The following FOXP2 variants were observed in gnomAD, a reference collection of about 807,000 sequenced individuals.
The protein encoded by FOXP2 is forkhead box protein P2.
FOXP2 carries 12 observed loss-of-function variants against 115.8 expected under a neutral mutation model. The ratio of observed to expected loss-of-function variants is 0.10; its 90% CI spans 0.07 to 0.17. The LOEUF (loss-of-function observed/expected upper bound fraction) is 0.17. FOXP2 is among the 10% of genes least tolerant of loss of function. The probability of loss-of-function intolerance (pLI) is 1.00; values close to 1 mark genes in which losing one functional copy is unlikely to be tolerated. For synonymous variants in FOXP2, 328 were observed against 297.7 expected, an observed-to-expected ratio of 1.10 and a Z score of -1.05; for missense variants, 629 against 843.5, an observed-to-expected ratio of 0.75 and a Z score of 3.15.
In FOXP2 at chr7:114,676,302, G is replaced by A. The variant is rs563281945; in HGVS notation, c.2003+11866G>A. 1.7e-3 allele frequency among the ~76,000 whole-genome samples: 264 copies of A among 152,140 alleles called. 4 individuals are homozygous for A. In the South Asian group the frequency reaches 0.023, roughly 13 times the overall value. On this transcript the variant is annotated intron_variant, in intron 16 of 16. Transcript: ENST00000350908. ...GGTATCCAAATTAAATTAAGTAGAA[G>A]TAAGGATCAAGACACTTTAAAATAA...
At chr7:114,108,540 G>A (rs1791182215) in intron 1 of FOXP2, among the ~76,000 whole-genome samples, 1 of 151,744 alleles carries the variant, frequency 6.6e-6, no homozygotes, top group Non-Finnish European at 1.5e-5. Flanking sequence ...TATTCTTGGA[G>A]GATTTTTCTT....
chr7:114,310,595 G>A (rs1366810919), intron 2 of FOXP2, among the ~76,000 whole-genome samples: 2 of 151,860 alleles, frequency 1.3e-5, no homozygotes, highest in Non-Finnish European at 2.9e-5. Flanking sequence ...TGAGTACTCT[G>A]GCAGGCATCA....
At chr7:114,309,961 G>A (rs935427623) in intron 2 of FOXP2, among the ~76,000 whole-genome samples, 4 of 151,976 alleles carry the variant, frequency 2.6e-5, no homozygotes, top group African/African-American at 9.7e-5. Flanking sequence ...CACTGCACCT[G>A]GTGGGAGGTG....
intron 1 of FOXP2, among the ~76,000 whole-genome samples, chr7:114,143,898 ACTT>A (rs1246612013): frequency 6.6e-6 from 1 of 151,968 alleles, no homozygotes; most frequent in Admixed American, 6.6e-5. Flanking sequence ...ATAATTTTCA[ACTT>A]CATGATGGTA....
At chr7:114,173,634 G>A (rs1443968446) in intron 1 of FOXP2, among the ~76,000 whole-genome samples, 1 of 151,608 alleles carries the variant, frequency 6.6e-6, no homozygotes, top group Non-Finnish European at 1.5e-5. Flanking sequence ...TGAAAACTTG[G>A]CATTTGTAAG....
At chr7:114,663,603 T>A (rs1029176448) in intron 15 of FOXP2, 84 bp downstream of exon 15, 1 of 1,038,350 alleles carries the variant, frequency 9.6e-7, no homozygotes, top group African/African-American at 1.6e-5. Flanking sequence ...TTAGGTGAGA[T>A]TGTGATTGTT....
intron 3 of FOXP2, among the ~76,000 whole-genome samples, chr7:114,549,198 A>T (rs1266334240): frequency 6.6e-6 from 1 of 152,182 alleles, no homozygotes; most frequent in Admixed American, 6.5e-5. Context: ...CCCAGTGATC[A>T]TTCATTTTGT....
chr7:114,556,809 G>GT (rs1400992370), intron 3 of FOXP2, among the ~76,000 whole-genome samples: 1 of 152,052 alleles, frequency 6.6e-6, no homozygotes, highest in African/African-American at 2.4e-5. Flanking sequence ...ATTTTGAATA[G>GT]TTTTTTCTAG....
intron 3 of FOXP2, among the ~76,000 whole-genome samples, chr7:114,562,716 A>G (rs1563001027): frequency 6.6e-6 from 1 of 152,112 alleles, no homozygotes; most frequent in Non-Finnish European, 1.5e-5. Context: ...AAACCAATTA[A>G]ACAAAATCAC....
chr7:114,209,767 T>C (rs1794295462), intron 1 of FOXP2, among the ~76,000 whole-genome samples: 1 of 152,182 alleles, frequency 6.6e-6, no homozygotes, highest in Admixed American at 6.5e-5. Context: ...ATTCTCCCTG[T>C]CTCTTTCAGG....
intron 1 of FOXP2, among the ~76,000 whole-genome samples, chr7:114,280,676 T>A (rs1227064682): frequency 6.6e-6 from 1 of 152,228 alleles, no homozygotes. Context: ...AAAAAACAGA[T>A]AAAAATTTAA....
At chr7:114,458,020 A>C (rs933530230) in intron 2 of FOXP2, among the ~76,000 whole-genome samples, 1 of 152,216 alleles carries the variant, frequency 6.6e-6, no homozygotes, top group Non-Finnish European at 1.5e-5. Flanking sequence ...AAAATAAGTA[A>C]TATATTTGTA....
intron 2 of FOXP2, among the ~76,000 whole-genome samples, chr7:114,292,010 AT>A (rs1796616410): frequency 7.8e-6 from 1 of 128,184 alleles, no homozygotes; most frequent in Non-Finnish European, 1.7e-5. Context: ...TAATATATAG[AT>A]ATAACATTAA....
At chr7:114,294,715 C>G (rs964567029) in intron 2 of FOXP2, among the ~76,000 whole-genome samples, 11 of 152,052 alleles carry the variant, frequency 7.2e-5, no homozygotes, top group African/African-American at 1.2e-4. Flanking sequence ...ATGGTGGACG[C>G]CTGTAATCCC....
At chr7:114,237,276 A>G (rs1795034515) in intron 1 of FOXP2, among the ~76,000 whole-genome samples, 1 of 152,232 alleles carries the variant, frequency 6.6e-6, no homozygotes. Flanking sequence ...CAATATGAAT[A>G]ATGAAGTAAA....
chr7:114,097,020 T>G (rs1188099417), intron 1 of FOXP2, among the ~76,000 whole-genome samples: 1 of 152,198 alleles, frequency 6.6e-6, no homozygotes, highest in African/African-American at 2.4e-5. Flanking sequence ...TTGTAGAAAT[T>G]ATGCTGATAA....
At chr7:114,390,023 C>CAAAAAAAAAAAAAAAAAAAAAA (rs11311566) in intron 2 of FOXP2, among the ~76,000 whole-genome samples, 1 of 93,192 alleles carries the variant, frequency 1.1e-5, no homozygotes, top group African/African-American at 4.2e-5. Flanking sequence ...CATTCAGTGT[C>CAAAAAAAAAAAAAAAAAAAAAA]AAAAAAAAAA....
chr7:114,555,628 C>A (rs535266521), intron 3 of FOXP2, among the ~76,000 whole-genome samples: 1 of 152,012 alleles, frequency 6.6e-6, no homozygotes, highest in Non-Finnish European at 1.5e-5. Flanking sequence ...GAAACCCCGT[C>A]TCTACTAAAA....
At chr7:114,652,627 A>T (rs1806333393) in intron 9 of FOXP2, among the ~76,000 whole-genome samples, 1 of 152,176 alleles carries the variant, frequency 6.6e-6, no homozygotes, top group Non-Finnish European at 1.5e-5. Context: ...GAGAGTTTTT[A>T]CATGAGCTAA....
Sources: allele counts gnomAD v4.1 joint callset (sites outside exome capture counted in the v4.1 genomes callset), GRCh38; gene constraint gnomAD v4.1.1; transcripts MANE v1.5; gene names NCBI Gene and HGNC (gene_info 2026-07-23, HGNC 2026-07-21).